ITM2B: variants seen among roughly 807,000 people sequenced by gnomAD.
The protein encoded by ITM2B is ABri/ADan amyloid peptide.
Under a neutral mutation model 27.8 loss-of-function variants are expected in ITM2B, and 11 were observed. The ratio of observed to expected loss-of-function variants is 0.40; its 90% CI spans 0.25 to 0.66. ITM2B has a LOEUF of 0.66. ITM2B is among the 30% of genes least tolerant of loss of function. ITM2B has a pLI of 0.43. For synonymous variants in ITM2B, 114 were observed against 114.3 expected (o/e 1.00, Z 0.02); for missense variants, 296 against 328.9 (o/e 0.90, Z 0.77).
At chr13:48,254,075 T>G (rs929631631) in intron 2 of ITM2B, 139 bp downstream of exon 2, 10 of 804,972 alleles carry the variant, frequency 1.2e-5, no homozygotes, top group Admixed American at 2.2e-5. Flanking sequence ...AGTTCTATTT[T>G]AAAGCTGTGT....
Position 48,268,295 on chromosome 13 carries a change from ATTTATTT to A in ITM2B, c.*7082_*7088del, listed in dbSNP as rs1390683277. The A allele has an allele frequency of 6.7e-6, 1 of 150,078 alleles. No individual in the cohort carries two copies. The highest frequency in any genetic ancestry group is 1.5e-5 in the Non-Finnish European group (1 of 67,554). The allele number at this position is 150,078 out of a possible 1,614,324, so 9.3% of individuals were successfully genotyped here. A position where few individuals can be genotyped will look rare whatever the true frequency, so the allele number is the denominator to read the frequency against. The stretch of plus-strand genomic sequence containing the variant: ...TTGTGTGTGTGTGTGTGCTTTTTAA[ATTTATTT>A]TTTATTTTTTTTTTTTTGAGACAGA... On this transcript the variant is annotated 3_prime_UTR_variant, in exon 6 of 6. Coordinates refer to ENST00000647800, the MANE Select transcript of ITM2B (RefSeq NM_021999.5).
chr13:48,234,822 A>G (rs1951657745), intron 1 of ITM2B, among the ~76,000 whole-genome samples: 2 of 152,172 alleles, frequency 1.3e-5, no homozygotes, highest in Non-Finnish European at 2.9e-5. Flanking sequence ...TCGTATTGGT[A>G]TTGTTTTCCT....
At chr13:48,259,051 A>C in intron 5 of ITM2B, 104 bp downstream of exon 5, 1 of 755,584 alleles carries the variant, frequency 1.3e-6, no homozygotes, top group Non-Finnish European at 2.2e-6. Context: ...GCCATGAGTG[A>C]GGTAATATTG....
chr13:48,236,985 A>T (rs1233906839), intron 1 of ITM2B, among the ~76,000 whole-genome samples: 2 of 152,206 alleles, frequency 1.3e-5, no homozygotes, highest in African/African-American at 4.8e-5. Flanking sequence ...CGACTCACCC[A>T]GTAAAAGTTT....
intron 1 of ITM2B, among the ~76,000 whole-genome samples, chr13:48,247,448 T>C (rs1034972757): frequency 5.3e-5 from 8 of 152,194 alleles, no homozygotes; most frequent in African/African-American, 1.9e-4. Flanking sequence ...GATACAGAAA[T>C]GTAAAATATT....
intron 1 of ITM2B, among the ~76,000 whole-genome samples, chr13:48,250,293 T>TAAA (rs1328375156): frequency 3.3e-5 from 5 of 152,098 alleles, no homozygotes; most frequent in Non-Finnish European, 7.4e-5. Context: ...TTATGAATCA[T>TAAA]AAAAAATTAA....
chr13:48,237,413 A>T (rs919478219), intron 1 of ITM2B, among the ~76,000 whole-genome samples: 1 of 152,206 alleles, frequency 6.6e-6, no homozygotes, highest in Non-Finnish European at 1.5e-5. Context: ...CTGTGTACAC[A>T]TCCCTGACAG....
intron 1 of ITM2B, among the ~76,000 whole-genome samples, chr13:48,237,584 T>C (rs1007310861): frequency 2.0e-5 from 3 of 152,274 alleles, no homozygotes; most frequent in Non-Finnish European, 1.5e-5. Context: ...ACTGGAAGTA[T>C]TTTTTAAGCA....
intron 3 of ITM2B, among the ~76,000 whole-genome samples, 194 bp downstream of exon 3, chr13:48,256,577 C>G (rs896239855): frequency 6.6e-6 from 1 of 152,194 alleles, no homozygotes; most frequent in African/African-American, 2.4e-5. Context: ...TCTCCTTCCC[C>G]TTGCCTTACC....
rs1394980053 is a variant in ITM2B at position 48,268,625 on chromosome 13, G to C, written c.*7401G>C. On this transcript the variant is annotated 3_prime_UTR_variant, in exon 6 of 6. Transcript: ENST00000647800. ...GTGCCCTGCCAGTATTCCATTTTTT[G>C]TGTATACCACAATTTATCATTTTTT... is the stretch of plus-strand genomic sequence containing the variant. 3.9e-5 allele frequency: 6 copies of C among 151,966 alleles called. No homozygotes were observed. The highest frequency in any genetic ancestry group is 8.8e-5 in the Non-Finnish European group (6 of 67,988). 9.4% of individuals were successfully genotyped at this position (151,966 alleles called of 1,614,324 possible).
Position 48,267,127 on chromosome 13 carries a change from A to G in ITM2B, c.*5903A>G, listed in dbSNP as rs1241360686. 2 of 152,148 alleles carry G rather than the reference A, an allele frequency of 1.3e-5. No homozygotes were observed. Among genetic ancestry groups the G allele is most frequent in the Non-Finnish European group, 2.9e-5 (2 of 68,042 alleles). The allele number at this position is 152,148 out of a possible 1,614,324, so 9.4% of individuals were successfully genotyped here. ...GCACAAAAAATTACTGCCCTTCTTG[A>G]TTTGCCAATTATGCCCCTGCTGGGA... is the stretch of plus-strand genomic sequence containing the variant. On this transcript the variant is annotated 3_prime_UTR_variant, in exon 6 of 6. Coordinates refer to ENST00000647800, the MANE Select transcript of ITM2B (RefSeq NM_021999.5).
At chr13:48,260,091 A>T (rs1411367464) in intron 5 of ITM2B, among the ~76,000 whole-genome samples, 2 of 152,078 alleles carry the variant, frequency 1.3e-5, no homozygotes, top group Admixed American at 1.3e-4. Context: ...GAGTGAGAAG[A>T]TGCAGTGTTT....
chr13:48,269,990 T>C lies in ITM2B; in HGVS notation c.*8766T>C, dbSNP rs985191246. Reference sequence around the variant, plus strand: ...AGCTTTCCCTTGGCTTCCCTTCTTTTCTCACAGAGGCTTTTCCAGAAGGTG... The same window carrying C: ...AGCTTTCCCTTGGCTTCCCTTCTTTCCTCACAGAGGCTTTTCCAGAAGGTG... On this transcript the variant is annotated 3_prime_UTR_variant, in exon 6 of 6. Transcript: ENST00000647800. 1 of 152,248 alleles carries C rather than the reference T, an allele frequency of 6.6e-6. No homozygotes were observed. The highest frequency in any genetic ancestry group is 1.5e-5 in the Non-Finnish European group (1 of 68,070). 9.4% of individuals were successfully genotyped at this position (152,248 alleles called of 1,614,324 possible).
intron 1 of ITM2B, among the ~76,000 whole-genome samples, chr13:48,246,016 G>A (rs1951722707): frequency 6.6e-6 from 1 of 152,138 alleles, no homozygotes; most frequent in Non-Finnish European, 1.5e-5. Flanking sequence ...CTGACCTCAT[G>A]ATCCACCCGC....
chr13:48,258,790 A>C lies in ITM2B; in HGVS notation c.565-7A>C, dbSNP rs777940570. On this transcript the variant is annotated splice_region_variant and splice_polypyrimidine_tract_variant and intron_variant, in intron 4 of 5. Transcript: ENST00000647800. ...TAGTCATGTCATGTATTCTTTTCTGAATGTAGGCTGGAACCTATTTGCCTC... is the reference window on the plus strand; with the variant it reads ...TAGTCATGTCATGTATTCTTTTCTGCATGTAGGCTGGAACCTATTTGCCTC... 1.2e-6 allele frequency: 2 copies of C among 1,612,898 alleles called. No individual in the cohort carries two copies. The highest frequency in any genetic ancestry group is 2.2e-5 in the South Asian group (2 of 91,058).
intron 1 of ITM2B, among the ~76,000 whole-genome samples, chr13:48,238,013 C>T (rs146635390): frequency 1.2e-4 from 19 of 152,170 alleles, no homozygotes; most frequent in East Asian, 3.9e-4. Context: ...GACTTTAGAC[C>T]GTTACTGAAA....
At chr13:48,243,823 AAATTAATT>A (rs559009054) in intron 1 of ITM2B, among the ~76,000 whole-genome samples, 3 of 152,012 alleles carry the variant, frequency 2.0e-5, no homozygotes, top group Non-Finnish European at 2.9e-5. Context: ...TCTCAAAAAA[AAATTAATT>A]AATTAATTAA....
Position 48,264,452 on chromosome 13 carries a change from T to G in ITM2B, c.*3228T>G, listed in dbSNP as rs1951840971. On this transcript the variant is annotated 3_prime_UTR_variant, in exon 6 of 6. Coordinates refer to ENST00000647800, the MANE Select transcript of ITM2B (RefSeq NM_021999.5). ...GCAAATGAAAAGGCAAATGGATTAT[T>G]GAATAGAAAAGGTCTAGATTCTATG... The G allele has an allele frequency of 6.6e-6, 1 of 152,174 alleles. No homozygotes were observed. Among genetic ancestry groups the G allele is most frequent in the Non-Finnish European group, 1.5e-5 (1 of 68,042 alleles). 9.4% of individuals were successfully genotyped at this position (152,174 alleles called of 1,614,324 possible).
intron 1 of ITM2B, among the ~76,000 whole-genome samples, chr13:48,252,288 A>G (rs1280226197): frequency 6.6e-6 from 1 of 152,178 alleles, no homozygotes; most frequent in Admixed American, 6.5e-5. Flanking sequence ...TCTTGCTTCA[A>G]CCAAATCTAT....
Sources: allele counts gnomAD v4.1 joint callset (sites outside exome capture counted in the v4.1 genomes callset), GRCh38; gene constraint gnomAD v4.1.1; transcripts MANE v1.5; gene names NCBI Gene and HGNC (gene_info 2026-07-23, HGNC 2026-07-21).